The following HTR2C variants were observed in gnomAD, a reference collection of about 807,000 sequenced individuals.
HTR2C encodes the protein 5-hydroxytryptamine (serotonin) receptor 2C, G protein-coupled.
In HTR2C, 5 loss-of-function variants were observed where a neutral mutation model predicts 21.0. That is an observed-to-expected ratio of 0.24 (90% CI 0.12 to 0.50). The LOEUF is 0.50. Among genes scored for constraint, HTR2C ranks in the 20% least tolerant of loss-of-function variants. The pLI is 0.98. For missense variants in HTR2C, 271 were observed against 371.2 expected, an observed-to-expected ratio of 0.73 and a Z score of 2.22; for synonymous variants, 150 against 145.3, an observed-to-expected ratio of 1.03 and a Z score of -0.23.
intron 4 of HTR2C, among the ~76,000 whole-genome samples, chrX:114,818,588 A>G (rs1174485734): frequency 1.8e-5 from 2 of 111,837 alleles, no homozygotes; most frequent in Admixed American, 9.6e-5. Context: ...AATCATCTCC[A>G]TCAATCAATA....
At position 114,821,219 on chromosome X, in the gene HTR2C, T is replaced by A. The variant is rs7890317; in HGVS notation, c.350-26784T>A. Among the ~76,000 whole-genome samples the A allele has an allele frequency of 7.2e-3, 642 of 88,998 alleles. 8 individuals carry two copies. Among genetic ancestry groups the A allele is most frequent in the African/African-American group, 0.024 (617 of 25,834 alleles). 77.3% of individuals were successfully genotyped at this position (88,998 alleles called of 115,157 possible). A position where few individuals can be genotyped will look rare whatever the true frequency, so the allele number is the denominator to read the frequency against. On this transcript the variant is annotated intron_variant, in intron 4 of 5. Transcript: ENST00000276198. The stretch of plus-strand genomic sequence containing the variant: ...AAATTCACTAACTAGAGAAAGCAGA[T>A]ATGAGTACGTACAGACTATCAGATC...
chrX:114,685,954 A>G (rs1569483898), intron 2 of HTR2C, among the ~76,000 whole-genome samples: 1 of 111,314 alleles, frequency 9.0e-6, no homozygotes, highest in Non-Finnish European at 1.9e-5. Flanking sequence ...CATTAGGGAA[A>G]TTGGCCTGAT....
At chrX:114,599,674 T>A (rs1410469953) in intron 1 of HTR2C, among the ~76,000 whole-genome samples, 1 of 112,125 alleles carries the variant, frequency 8.9e-6, no homozygotes, top group African/African-American at 3.2e-5. Flanking sequence ...TCTGCTTACC[T>A]CTGTGATTAT....
intron 4 of HTR2C, among the ~76,000 whole-genome samples, chrX:114,733,670 G>C (rs188589643): frequency 7.3e-4 from 79 of 108,144 alleles, no homozygotes; most frequent in South Asian, 5.8e-3. Flanking sequence ...TACAGAAAAT[G>C]TCAAAATATT....
At chrX:114,628,674 C>T (rs1006554990) in intron 2 of HTR2C, among the ~76,000 whole-genome samples, 3 of 111,095 alleles carry the variant, frequency 2.7e-5, no homozygotes, top group South Asian at 3.8e-4. Context: ...TTGGCAAGTA[C>T]GTAATTTTAT....
intron 5 of HTR2C, among the ~76,000 whole-genome samples, chrX:114,854,913 A>G (rs782366259): frequency 8.0e-5 from 9 of 112,006 alleles, no homozygotes; most frequent in Non-Finnish European, 1.3e-4. Flanking sequence ...GGGAACAGAC[A>G]TGACCAAACA....
intron 1 of HTR2C, among the ~76,000 whole-genome samples, chrX:114,610,810 AG>A (rs1928694196): frequency 9.0e-6 from 1 of 110,800 alleles, no homozygotes; most frequent in Non-Finnish European, 1.9e-5. Flanking sequence ...ATTAGCTGAG[AG>A]GAAAAAAATT....
chrX:114,761,027 T>G (rs2069860715), intron 4 of HTR2C, among the ~76,000 whole-genome samples: 1 of 111,769 alleles, frequency 8.9e-6, no homozygotes, highest in East Asian at 2.8e-4. Flanking sequence ...CATTCTCCAT[T>G]TTAGTAGCAT....
intron 2 of HTR2C, among the ~76,000 whole-genome samples, chrX:114,634,980 C>G (rs1178600786): frequency 1.8e-5 from 2 of 111,896 alleles, no homozygotes; most frequent in African/African-American, 6.5e-5. Context: ...AAATGTTGAA[C>G]AAATCAACAA....
chrX:114,761,609 T>C (rs782521695), intron 4 of HTR2C, among the ~76,000 whole-genome samples: 1 of 110,665 alleles, frequency 9.0e-6, no homozygotes, highest in East Asian at 2.8e-4. Context: ...TTCAAAGAAA[T>C]GTGTATTATC....
chrX:114,805,545 G>A (rs1323508320), intron 4 of HTR2C, among the ~76,000 whole-genome samples: 2 of 19,828 alleles, frequency 1.0e-4, no homozygotes, highest in Admixed American at 7.8e-4. Flanking sequence ...GGTATATGGT[G>A]TATATATATA....
rs782061870 is a variant in HTR2C at position 114,681,176 on chromosome X, A to G, written c.-79-45682A>G. Among the ~76,000 whole-genome samples the G allele has an allele frequency of 2.7e-5, 3 of 111,590 alleles. No homozygotes were observed. In the Admixed American group the frequency reaches 2.9e-4, roughly 11 times the overall value. ...TCAGCATCTTCCTTTCTTATATCAA[A>G]GTTAAATATATTGTACCCAAATTTT... On this transcript the variant is annotated intron_variant, in intron 2 of 5. Transcript: ENST00000276198.
rs185651818 is a variant in HTR2C, at chrX:114,701,242, C to T, written c.-79-25616C>T. ...CAGCACGCAGCTGGAGATCTGAGAA[C>T]GGGCAGACTGCCTCCTCAAGTGGGT... On this transcript the variant is annotated intron_variant, in intron 2 of 5. Transcript: ENST00000276198. 3.8e-3 allele frequency among the ~76,000 whole-genome samples: 425 copies of T among 112,072 alleles called. 2 individuals are homozygous for T. The highest frequency in any genetic ancestry group is 0.013 in the African/African-American group (408 of 30,901).
rs782744254 is a variant in HTR2C at position 114,718,181 on chromosome X, G to A, written c.-79-8677G>A. The stretch of plus-strand genomic sequence containing the variant: ...CCACAGTAGCTGGGACTACAGGCCC[G>A]CACCATCACATGGGGCTGATTTTTT... On this transcript the variant is annotated intron_variant, in intron 2 of 5. Coordinates refer to ENST00000276198, the MANE Select transcript of HTR2C (RefSeq NM_000868.4). Among the ~76,000 whole-genome samples the A allele has an allele frequency of 3.6e-5, 4 of 111,176 alleles. No homozygotes were observed. In the South Asian group the frequency reaches 1.1e-3, roughly 32 times the overall value.
chrX:114,605,993 A>C (rs1288730216), intron 1 of HTR2C, among the ~76,000 whole-genome samples: 1 of 106,603 alleles, frequency 9.4e-6, no homozygotes, highest in Non-Finnish European at 1.9e-5. Context: ...GGGGTGCAGA[A>C]ATAAGGGATT....
chrX:114,606,459 G>A (rs187092825), intron 1 of HTR2C, among the ~76,000 whole-genome samples: 1 of 111,734 alleles, frequency 8.9e-6, no homozygotes, highest in Non-Finnish European at 1.9e-5. Flanking sequence ...CCAAGGGAAG[G>A]CTGCCTTCCC....
At position 114,845,818 on chromosome X, in the gene HTR2C, T is replaced by C. The variant is rs1041287978; in HGVS notation, c.350-2185T>C. Among the ~76,000 whole-genome samples, 5 of 108,459 alleles carry C rather than the reference T, an allele frequency of 4.6e-5. No homozygotes were observed. In the Admixed American group the frequency reaches 4.9e-4, roughly 11 times the overall value. 94.2% of individuals were successfully genotyped at this position (108,459 alleles called of 115,157 possible). A position where few individuals can be genotyped will look rare whatever the true frequency, so the allele number is the denominator to read the frequency against. On this transcript the variant is annotated intron_variant, in intron 4 of 5. Coordinates refer to ENST00000276198, the MANE Select transcript of HTR2C (RefSeq NM_000868.4). ...TGAGCCTATGAGTTCAAGAGCAGCCTAGGCAACATGGTGAAAACCCATCTC... is the reference window on the plus strand; with the variant it reads ...TGAGCCTATGAGTTCAAGAGCAGCCCAGGCAACATGGTGAAAACCCATCTC...
chrX:114,807,444 TACC>T (rs1556450847), intron 4 of HTR2C, among the ~76,000 whole-genome samples: 1 of 60,119 alleles, frequency 1.7e-5, no homozygotes, highest in African/African-American at 5.2e-5. Flanking sequence ...GCCATATATA[TACC>T]ATATATATAC....
chrX:114,722,290 G>A (rs1403946555), intron 2 of HTR2C, among the ~76,000 whole-genome samples: 1 of 111,023 alleles, frequency 9.0e-6, no homozygotes, highest in Non-Finnish European at 1.9e-5. Flanking sequence ...GTTGTGAATG[G>A]GAGTTCACTT....
Sources: gnomAD v4.1 joint callset for allele counts (sites outside exome capture counted in the v4.1 genomes callset) on GRCh38, gnomAD v4.1.1 for gene constraint, MANE v1.5 for transcripts, NCBI Gene and HGNC (gene_info 2026-07-23, HGNC 2026-07-21) for gene names.